ZBTB38: variants seen among roughly 807,000 people sequenced by gnomAD.
ZBTB38 encodes zinc finger and BTB domain-containing protein 38.
In ZBTB38, 20 loss-of-function variants were observed where a neutral mutation model predicts 76.8. The ratio of observed to expected loss-of-function variants is 0.26; its 90% CI spans 0.18 to 0.38. The LOEUF is 0.38. Among genes scored for constraint, ZBTB38 ranks in the 10% least tolerant of loss-of-function variants. The pLI, the probability that ZBTB38 is intolerant of heterozygous loss-of-function variation, is 1.00. For synonymous variants in ZBTB38, 504 were observed against 544.2 expected, an observed-to-expected ratio of 0.93 and a Z score of 1.03; for missense variants, 1,082 against 1,482.3, an observed-to-expected ratio of 0.73 and a Z score of 4.43.
At chr3:141,408,473 G>T (rs1341462590) in intron 5 of ZBTB38, among the ~76,000 whole-genome samples, 1 of 152,124 alleles carries the variant, frequency 6.6e-6, no homozygotes, top group African/African-American at 2.4e-5. Context: ...CTTGAACCTG[G>T]GAGGTAGAAG....
chr3:141,350,785 T>G (rs1372984535), intron 1 of ZBTB38, among the ~76,000 whole-genome samples: 1 of 152,222 alleles, frequency 6.6e-6, no homozygotes, highest in Non-Finnish European at 1.5e-5. Context: ...GCATCAAGTG[T>G]TGCTAAGAAA....
chr3:141,381,487 G>C lies in ZBTB38; in HGVS notation c.-172G>C, dbSNP rs937373582. ...GCTTGCTGCCCAATCTTTGCCAACA[G>C]GTATGTACTCCTTTCTCATGTCCTA... On this transcript the variant is annotated splice_region_variant and 5_prime_UTR_variant, in exon 3 of 6. Transcript: ENST00000321464. 6.6e-6 allele frequency: 1 copy of C among 152,282 alleles called. No homozygotes were observed. Among genetic ancestry groups the C allele is most frequent in the Non-Finnish European group, 1.5e-5 (1 of 68,098 alleles). The allele number at this position is 152,282 out of a possible 1,614,324, so 9.4% of individuals were successfully genotyped here. A position where few individuals can be genotyped will look rare whatever the true frequency, so the allele number is the denominator to read the frequency against.
chr3:141,399,807 T>G (rs532029728), intron 4 of ZBTB38, among the ~76,000 whole-genome samples: 3 of 152,070 alleles, frequency 2.0e-5, no homozygotes, highest in Non-Finnish European at 4.4e-5. Context: ...AGAGTCCTAG[T>G]CAGAAGGTGC....
rs538596445 is a variant in ZBTB38 at position 141,415,605 on chromosome 3, C to T, written c.-1+11574C>T. On this transcript the variant is annotated intron_variant, in intron 5 of 5. Transcript: ENST00000321464. ...AGGAGTGCTGCTCTAGACACTCTGGCGAAGCACAGAGACAGACTGACATAG... is the reference window on the plus strand; with the variant it reads ...AGGAGTGCTGCTCTAGACACTCTGGTGAAGCACAGAGACAGACTGACATAG... Among the ~76,000 whole-genome samples, 7 of 152,272 alleles carry T rather than the reference C, an allele frequency of 4.6e-5. No homozygotes were observed. The East Asian group carries it at 7.7e-4, about 17-fold the overall frequency.
chr3:141,419,230 C>G (rs1321213334), intron 5 of ZBTB38, among the ~76,000 whole-genome samples: 1 of 152,148 alleles, frequency 6.6e-6, no homozygotes, highest in Non-Finnish European at 1.5e-5. Flanking sequence ...CTTGTAAAAA[C>G]TCACTGTTCA....
intron 1 of ZBTB38, among the ~76,000 whole-genome samples, chr3:141,326,797 T>A (rs2148869306): frequency 6.6e-6 from 1 of 152,330 alleles, no homozygotes; most frequent in African/African-American, 2.4e-5. Context: ...TCTTTTCAAG[T>A]ACTTCCTTTC....
intron 5 of ZBTB38, among the ~76,000 whole-genome samples, chr3:141,428,054 G>C (rs534568219): frequency 9.2e-5 from 14 of 152,310 alleles, no homozygotes; most frequent in African/African-American, 3.4e-4. Flanking sequence ...GCAATGCTCA[G>C]ATCATCCTGG....
At chr3:141,412,621 C>A (rs1287728841) in intron 5 of ZBTB38, among the ~76,000 whole-genome samples, 1 of 152,036 alleles carries the variant, frequency 6.6e-6, no homozygotes, top group Non-Finnish European at 1.5e-5. Context: ...AACATCATTG[C>A]TCCTTCTGCT....
At chr3:141,343,365 T>A (rs1298481882) in intron 1 of ZBTB38, among the ~76,000 whole-genome samples, 1 of 151,978 alleles carries the variant, frequency 6.6e-6, no homozygotes, top group Non-Finnish European at 1.5e-5. Flanking sequence ...GACAGTAGTA[T>A]CATTTGGGGA....
At chr3:141,414,812 A>T (rs890114276) in intron 5 of ZBTB38, among the ~76,000 whole-genome samples, 15 of 152,182 alleles carry the variant, frequency 9.9e-5, no homozygotes, top group African/African-American at 3.4e-4. Flanking sequence ...TGTTTTCTGA[A>T]ATATCAAACA....
chr3:141,406,319 A>G (rs947442813), intron 5 of ZBTB38, among the ~76,000 whole-genome samples: 12 of 152,138 alleles, frequency 7.9e-5, no homozygotes, highest in Admixed American at 7.9e-4. Context: ...AGCTACTACA[A>G]CCCACCAAGG....
intron 4 of ZBTB38, among the ~76,000 whole-genome samples, chr3:141,401,024 G>A (rs1951765747): frequency 6.6e-6 from 1 of 152,144 alleles, no homozygotes; most frequent in African/African-American, 2.4e-5. Flanking sequence ...TTTTCTTGGA[G>A]GTCTTTGAGT....
chr3:141,411,275 T>C (rs1399541736), intron 5 of ZBTB38, among the ~76,000 whole-genome samples: 1 of 152,220 alleles, frequency 6.6e-6, no homozygotes, highest in Non-Finnish European at 1.5e-5. Context: ...AGCACAGTGA[T>C]TGGCTCCTAG....
chr3:141,444,902 A>G lies in ZBTB38; in HGVS notation c.2514A>G (p.Gln838=). 6.2e-7 allele frequency: 1 copy of G among 1,614,144 alleles called. No individual in the cohort carries two copies. Among genetic ancestry groups the G allele is most frequent in the Non-Finnish European group, 8.5e-7 (1 of 1,180,012 alleles). Residue 838 remains glutamine, a synonymous_variant, in exon 6 of 6, where the codon CAA becomes CAG. Coordinates refer to ENST00000321464, the MANE Select transcript of ZBTB38 (RefSeq NM_001376113.1). The surrounding 1 kb of genome is among the most constrained non-coding windows in gnomAD (Gnocchi z 5.1). Reference sequence around the variant, plus strand: ...ATAGTAATGTTGCACCCCTTTGCCAAATAACAGTGAAAATTGGAAACGAAG... The same window carrying G: ...ATAGTAATGTTGCACCCCTTTGCCAGATAACAGTGAAAATTGGAAACGAAG... ...STNSNVAPLC[Q]ITVKIGNEAI...
At chr3:141,372,422 G>A (rs1373447714) in intron 2 of ZBTB38, among the ~76,000 whole-genome samples, 1 of 152,092 alleles carries the variant, frequency 6.6e-6, no homozygotes, top group African/African-American at 2.4e-5. Context: ...GCCGAGGCAG[G>A]TGGATCACTT....
At chr3:141,371,847 G>T (rs1204940993) in intron 2 of ZBTB38, among the ~76,000 whole-genome samples, 2 of 152,194 alleles carry the variant, frequency 1.3e-5, no homozygotes, top group African/African-American at 4.8e-5. Flanking sequence ...CATTGTTGAT[G>T]TTGGTGAAGT....
intron 3 of ZBTB38, among the ~76,000 whole-genome samples, 154 bp downstream of exon 3, chr3:141,381,641 G>A (rs1946208803): frequency 6.6e-6 from 1 of 152,226 alleles, no homozygotes; most frequent in Non-Finnish European, 1.5e-5. Context: ...CGTTGAGCAA[G>A]ATAGTCTTCC....
chr3:141,402,544 C>G (rs1287201041), intron 4 of ZBTB38: 1 of 150,828 alleles, frequency 6.6e-6, no homozygotes, highest in Non-Finnish European at 1.5e-5. Context: ...CCAGCCCGAT[C>G]GCTCCTCGCT....
intron 4 of ZBTB38, chr3:141,394,310 C>A (rs1949808123): frequency 6.6e-6 from 1 of 152,350 alleles, no homozygotes; most frequent in Non-Finnish European, 1.5e-5. Flanking sequence ...GCCACCGCGC[C>A]CAGCCTGAAC....
Sources: gnomAD v4.1 joint callset for allele counts (sites outside exome capture counted in the v4.1 genomes callset) on GRCh38, gnomAD v4.1.1 for gene constraint, Gnocchi (gnomAD v3.1) non-coding constraint, MANE v1.5 for transcripts, NCBI Gene and HGNC (gene_info 2026-07-23, HGNC 2026-07-21) for gene names.